MYH10: variants seen among roughly 807,000 people sequenced by gnomAD.
MYH10 encodes myosin-10.
MYH10 carries 55 observed loss-of-function variants against 257.8 expected under a neutral mutation model. That is an observed-to-expected ratio of 0.21 (90% CI 0.17 to 0.27). The LOEUF (loss-of-function observed/expected upper bound fraction) is 0.27, where lower values mean the gene tolerates loss of function less well. MYH10 is among the 10% of genes least tolerant of loss of function. The pLI is 1.00. For missense variants in MYH10, 1,631 were observed against 2,500.6 expected (o/e 0.65, Z 7.42); for synonymous variants, 854 against 921.7 (o/e 0.93, Z 1.33).
In MYH10 at chr17:8,486,543, C is replaced by CA. The variant is rs67844660; in HGVS notation, c.5046+889dup. Among the ~76,000 whole-genome samples the CA allele has an allele frequency of 5.6e-4, 68 of 120,714 alleles. 3 individuals carry two copies. The highest frequency in any genetic ancestry group is 2.1e-3 in the African/African-American group (63 of 29,464). The allele number at this position is 120,714 out of a possible 152,430, so 79.2% of individuals were successfully genotyped here. A position where few individuals can be genotyped will look rare whatever the true frequency, so the allele number is the denominator to read the frequency against. On this transcript the variant is annotated intron_variant, in intron 36 of 42. Coordinates refer to ENST00000360416, the MANE Select transcript of MYH10 (RefSeq NM_001256012.3). ...AAAAAAAAATCTTTATATTTAGCTT[C>CA]AAAAAAAAAAAAAAAAAAAAAAAAA... is the stretch of plus-strand genomic sequence containing the variant.
chr17:8,591,149 G>A (rs900439152), intron 3 of MYH10, among the ~76,000 whole-genome samples: 1 of 152,160 alleles, frequency 6.6e-6, no homozygotes, highest in Non-Finnish European at 1.5e-5. Context: ...TGGGATCACA[G>A]GCATGAGCCA....
In MYH10 at chr17:8,623,227, A is replaced by G. The variant is rs756126118; in HGVS notation, c.20T>C (p.Leu7Pro). 1.9e-6 allele frequency: 3 copies of G among 1,589,690 alleles called. No individual in the cohort carries two copies. In the African/African-American group the frequency reaches 4.1e-5, roughly 22 times the overall value. Residue 7 changes from leucine to proline, a missense_variant, in exon 2 of 43, where the codon CTC (leucine) becomes CCC (proline). Leu to Pro is a moderately conservative substitution (Grantham distance 98). Around this residue, in one of 11 missense-constraint regions of MYH10, gnomAD observed 360 missense variants for 581.9 expected, o/e 0.62. Coordinates refer to ENST00000360416, the MANE Select transcript of MYH10 (RefSeq NM_001256012.3). Reference sequence around the variant, plus strand: ...AAAGAGATACCTCTCTGGATCCTCGAGTCCAGTTCTCTGCGCCATTGTAAA... The same window carrying G: ...AAAGAGATACCTCTCTGGATCCTCGGGTCCAGTTCTCTGCGCCATTGTAAA... MAQRTG[L>P]EDPERYLFVD... is the part of the protein sequence containing the mutation.
chr17:8,484,352 T>C, intron 36 of MYH10, 86 bp from the exon 37 acceptor site: 1 of 1,351,102 alleles, frequency 7.4e-7, no homozygotes, highest in Non-Finnish European at 1.0e-6. Context: ...GCCCTGGCTG[T>C]GTTGCCCAGG....
At chr17:8,525,260 ATAC>A (rs2081803572) in intron 17 of MYH10, among the ~76,000 whole-genome samples, 1 of 152,192 alleles carries the variant, frequency 6.6e-6, no homozygotes. Context: ...CCAAAGCTAA[ATAC>A]ACCACTCCCT....
At chr17:8,486,259 T>TG (rs1914750203) in intron 36 of MYH10, among the ~76,000 whole-genome samples, 1 of 152,192 alleles carries the variant, frequency 6.6e-6, no homozygotes, top group African/African-American at 2.4e-5. Context: ...ATAGTGGTGA[T>TG]GGCTGAATAA....
At chr17:8,618,740 T>C (rs2085357346) in intron 2 of MYH10, among the ~76,000 whole-genome samples, 2 of 152,226 alleles carry the variant, frequency 1.3e-5, no homozygotes, top group South Asian at 4.1e-4. Context: ...TTTCAAATGA[T>C]GACATTTTAC....
At position 8,492,880 on chromosome 17, in the gene MYH10, T is replaced by A. The variant is rs1406560104; in HGVS notation, c.4354A>T (p.Thr1452Ser). The change falls in exon 33 of 43, where the codon ACC (threonine) becomes TCC (serine). Residue 1452 changes from threonine (T) to serine (S), a missense_variant. Transcript: ENST00000360416. ...KALAYDKLEK[T>S]KNRLQQELDD... Reference sequence around the variant, plus strand: ...AGCTCCTGCTGCAGGCGGTTCTTGGTCTTCTCCAGTTTGTCATACGCCAGT... The same window carrying A: ...AGCTCCTGCTGCAGGCGGTTCTTGGACTTCTCCAGTTTGTCATACGCCAGT... 1 of 1,614,054 alleles carries A rather than the reference T, an allele frequency of 6.2e-7. No individual in the cohort carries two copies. The highest frequency in any genetic ancestry group is 1.1e-5 in the South Asian group (1 of 91,072).
At chr17:8,497,980 C>T (rs1297764266) in intron 30 of MYH10, among the ~76,000 whole-genome samples, 16 of 103,408 alleles carry the variant, frequency 1.5e-4, no homozygotes, top group Admixed American at 4.2e-4. Flanking sequence ...AATACTATGC[C>T]TTTTTTTTTT....
In MYH10 at chr17:8,476,864, A is replaced by G. The variant is rs376864351; in HGVS notation, c.5879+12T>C. On this transcript the variant is annotated intron_variant, in intron 42 of 42. Transcript: ENST00000360416. ...CAGCTGCCTGTCAGCTCGGGGCCGC[A>G]TGCCTGCTCACCTCAGCCGGTTCTT... 2.2e-4 allele frequency: 351 copies of G among 1,600,450 alleles called. No individual in the cohort carries two copies. The highest frequency in any genetic ancestry group is 2.8e-4 in the Non-Finnish European group (329 of 1,175,078).
At chr17:8,511,626 C>T (rs967331686) in intron 24 of MYH10, among the ~76,000 whole-genome samples, 3 of 152,194 alleles carry the variant, frequency 2.0e-5, no homozygotes, top group Non-Finnish European at 2.9e-5. Flanking sequence ...AGAGTAACTT[C>T]GGCTAAATAA....
At chr17:8,503,065 C>T (rs2151849373) in intron 28 of MYH10, among the ~76,000 whole-genome samples, 1 of 152,240 alleles carries the variant, frequency 6.6e-6, no homozygotes, top group East Asian at 1.9e-4. Flanking sequence ...GGCGGATCAC[C>T]TGAGGTCGGG....
intron 1 of MYH10, among the ~76,000 whole-genome samples, chr17:8,630,302 C>T (rs1224413858): frequency 2.0e-5 from 3 of 151,630 alleles, no homozygotes; most frequent in South Asian, 2.1e-4. Flanking sequence ...GTCCCCACCC[C>T]CAGATCTCCA....
intron 3 of MYH10, among the ~76,000 whole-genome samples, chr17:8,592,058 A>AG (rs1441030027): frequency 6.6e-6 from 1 of 152,224 alleles, no homozygotes; most frequent in Non-Finnish European, 1.5e-5. Flanking sequence ...GTGATATTAA[A>AG]GGGGGAAAAA....
At chr17:8,578,051 A>G (rs1389196148) in intron 4 of MYH10, among the ~76,000 whole-genome samples, 1 of 151,910 alleles carries the variant, frequency 6.6e-6, no homozygotes, top group African/African-American at 2.4e-5. Context: ...AGCTGAAAGA[A>G]CTCTGAGATG....
chr17:8,478,283 T>C (rs1913037877), intron 41 of MYH10, 55 bp downstream of exon 41: 1 of 1,457,252 alleles, frequency 6.9e-7, no homozygotes, highest in African/African-American at 1.4e-5. Flanking sequence ...CACCAGCTCA[T>C]TCTCCACCAG....
chr17:8,567,974 C>T (rs1428948229), intron 7 of MYH10, among the ~76,000 whole-genome samples: 8 of 152,172 alleles, frequency 5.3e-5, no homozygotes, highest in African/African-American at 1.9e-4. Flanking sequence ...CCCTTGCCGG[C>T]GCCCAGATGT....
intron 6 of MYH10, among the ~76,000 whole-genome samples, chr17:8,576,268 A>G (rs571464097): frequency 1.1e-4 from 17 of 152,320 alleles, no homozygotes; most frequent in African/African-American, 3.4e-4. Context: ...ATAATTTTTA[A>G]AGGGGCAGCC....
chr17:8,543,317 G>A (rs1330879502), intron 13 of MYH10, among the ~76,000 whole-genome samples: 1 of 152,150 alleles, frequency 6.6e-6, no homozygotes, highest in Non-Finnish European at 1.5e-5. Flanking sequence ...GAGGGCAGGG[G>A]CAGTGCTTGC....
intron 21 of MYH10, among the ~76,000 whole-genome samples, chr17:8,515,417 A>G (rs797017805): frequency 2.6e-5 from 4 of 151,844 alleles, no homozygotes; most frequent in African/African-American, 9.7e-5. Context: ...CTGCCAACGA[A>G]TTCCTCCTTG....
Sources: gnomAD v4.1 joint callset for allele counts (sites outside exome capture counted in the v4.1 genomes callset) on GRCh38, gnomAD v4.1.1 for gene constraint, gnomAD v4.1.1 regional missense constraint, MANE v1.5 for transcripts, NCBI Gene and HGNC (gene_info 2026-07-23, HGNC 2026-07-21) for gene names.